Variants in FBXL3 observed in about 807,000 individuals in gnomAD.
The protein encoded by FBXL3 is F-box and leucine rich repeat protein 3.
Under a neutral mutation model 37.9 loss-of-function variants are expected in FBXL3, and 14 were observed. That is an observed-to-expected ratio of 0.37 (90% CI 0.24 to 0.58). The LOEUF (loss-of-function observed/expected upper bound fraction) is 0.58. Among genes scored for constraint, FBXL3 ranks in the 20% least tolerant of loss-of-function variants. The probability of loss-of-function intolerance (pLI) is 0.74; values close to 1 mark genes in which losing one functional copy is unlikely to be tolerated. For missense variants in FBXL3, 327 were observed against 511.1 expected, an observed-to-expected ratio of 0.64 and a Z score of 3.47; for synonymous variants, 194 against 180.1, an observed-to-expected ratio of 1.08 and a Z score of -0.62.
Position 77,007,519 on chromosome 13 carries a change from G to A in FBXL3, c.913C>T (p.Arg305Cys), listed in dbSNP as rs369788246. 1.9e-5 allele frequency: 31 copies of A among 1,613,956 alleles called. No individual in the cohort carries two copies. The highest frequency in any genetic ancestry group is 4.5e-5 in the East Asian group (2 of 44,894). ...AGATGGGTGGCAGGTATTTCATAGC[G>A]AAAGAAGGGGTCAAATTCTTCTTCA... ...LYEEEFDPFF[R>C]YEIPATHLYF... Residue 305 changes from arginine to cysteine, a missense_variant, in exon 5 of 5, where the codon CGC (arginine) becomes TGC (cysteine). Physicochemically the swap from Arg to Cys is radical, Grantham distance 180 (BLOSUM62 -3). Transcript: ENST00000355619.
At chr13:77,021,928 T>C (rs551039305) in intron 1 of FBXL3, 67 bp from the exon 2 acceptor site, 2 of 1,290,538 alleles carry the variant, frequency 1.5e-6, no homozygotes, top group African/African-American at 1.5e-5. Context: ...TCAAAATTCA[T>C]TCTTCTGTCA....
At chr13:77,021,324 TTAA>T (rs1360719183) in intron 2 of FBXL3, among the ~76,000 whole-genome samples, 186 bp downstream of exon 2, 2 of 152,116 alleles carry the variant, frequency 1.3e-5, no homozygotes, top group African/African-American at 4.8e-5. Flanking sequence ...TTATTAATAA[TTAA>T]TAGAGTAATT....
intron 1 of FBXL3, chr13:77,026,134 TCATTAG>T: frequency 2.0e-6 from 2 of 977,798 alleles, no homozygotes; most frequent in Non-Finnish European, 2.4e-6. Flanking sequence ...CAACTGGATA[TCATTAG>T]CAACGACAAA....
intron 3 of FBXL3, chr13:77,016,751 G>C (rs1003926160): frequency 6.6e-6 from 1 of 151,544 alleles, no homozygotes; most frequent in Non-Finnish European, 1.5e-5. Context: ...GGCTGATCTT[G>C]AACTCCTGGC....
chr13:77,013,817 C>G (rs1044621355), intron 4 of FBXL3: 1 of 152,140 alleles, frequency 6.6e-6, no homozygotes, highest in South Asian at 2.1e-4. Flanking sequence ...GGGCAACGGA[C>G]AAGGTGAACC....
Position 77,011,835 on chromosome 13 carries a change from T to C in FBXL3, c.643+3574A>G, listed in dbSNP as rs367853377. ...GGCTATAATCAAAAAGACAAATAAG[T>C]GTTAGAAGACACTGCTAGTGGCTAT... is the stretch of plus-strand genomic sequence containing the variant. On this transcript the variant is annotated intron_variant, in intron 4 of 4. Coordinates refer to ENST00000355619, the MANE Select transcript of FBXL3 (RefSeq NM_012158.4). Among the ~76,000 whole-genome samples, 6 of 151,844 alleles carry C rather than the reference T, an allele frequency of 4.0e-5. No individual in the cohort carries two copies. The East Asian group carries it at 7.8e-4, about 20-fold the overall frequency.
chr13:77,026,604 A>C (rs896207412), intron 1 of FBXL3, among the ~76,000 whole-genome samples: 1 of 151,804 alleles, frequency 6.6e-6, no homozygotes, highest in Non-Finnish European at 1.5e-5. Context: ...CCTTGTTGAC[A>C]TGTTTGGAAG....
chr13:77,017,065 T>C (rs1176229996), intron 3 of FBXL3: 2 of 89,048 alleles, frequency 2.2e-5, no homozygotes, highest in African/African-American at 5.4e-5. Flanking sequence ...GACAAAAACA[T>C]TTCTTCTATG....
At position 77,007,047 on chromosome 13, in the gene FBXL3, G is replaced by A. The variant is rs1158425716; in HGVS notation, c.*98C>T. Reference sequence around the variant, plus strand: ...TACTGACTGAAGATATCAAATTTCTGTGCCACAAAATAGTAGAATTATATC... The same window carrying A: ...TACTGACTGAAGATATCAAATTTCTATGCCACAAAATAGTAGAATTATATC... On this transcript the variant is annotated 3_prime_UTR_variant, in exon 5 of 5. Coordinates refer to ENST00000355619, the MANE Select transcript of FBXL3 (RefSeq NM_012158.4). 6.8e-7 allele frequency: 1 copy of A among 1,467,972 alleles called. No individual in the cohort carries two copies. The highest frequency in any genetic ancestry group is 1.4e-5 in the African/African-American group (1 of 70,102). The allele number at this position is 1,467,972 out of a possible 1,614,324, so 90.9% of individuals were successfully genotyped here.
chr13:77,016,242 TACACACATACAC>T (rs1351255278), intron 3 of FBXL3: 1 of 152,190 alleles, frequency 6.6e-6, no homozygotes, highest in African/African-American at 2.4e-5. Context: ...TATGTGTATA[TACACACATACAC>T]ACACACACGT....
At chr13:77,013,487 A>G (rs1387626074) in intron 4 of FBXL3, 5 of 152,194 alleles carry the variant, frequency 3.3e-5, no homozygotes, top group African/African-American at 4.8e-5. Flanking sequence ...AGTGCTTGAG[A>G]TATTTTGCAA....
intron 4 of FBXL3, chr13:77,009,586 A>G (rs2034511677): frequency 6.6e-6 from 1 of 152,284 alleles, no homozygotes; most frequent in African/African-American, 2.4e-5. Flanking sequence ...AATGGCAATC[A>G]TTAAAAAGTC....
intron 1 of FBXL3, among the ~76,000 whole-genome samples, chr13:77,024,309 T>C (rs1266705321): frequency 6.6e-6 from 1 of 152,284 alleles, no homozygotes; most frequent in South Asian, 2.1e-4. Flanking sequence ...AAGAACAAAG[T>C]GTTTGCTATC....
At chr13:77,014,410 C>CT (rs1386902953) in intron 4 of FBXL3, 5 of 152,362 alleles carry the variant, frequency 3.3e-5, no homozygotes, top group African/African-American at 1.2e-4. Flanking sequence ...TAAGAACTAA[C>CT]TGCCAAAGCC....
chr13:77,012,483 A>T (rs1367845673), intron 4 of FBXL3, among the ~76,000 whole-genome samples: 1 of 152,238 alleles, frequency 6.6e-6, no homozygotes, highest in Non-Finnish European at 1.5e-5. Flanking sequence ...ACTATAATGC[A>T]ATGTTGGCTT....
chr13:77,023,343 A>AGTGT (rs201033841), intron 1 of FBXL3, among the ~76,000 whole-genome samples: 59 of 139,698 alleles, frequency 4.2e-4, no homozygotes, highest in African/African-American at 1.1e-3. Flanking sequence ...GGAGAGAGAG[A>AGTGT]GAGTGTGTGT....
At position 77,006,982 on chromosome 13, in the gene FBXL3, A is replaced by C; in HGVS notation, c.*163T>G. On this transcript the variant is annotated 3_prime_UTR_variant, in exon 5 of 5. Coordinates refer to ENST00000355619, the MANE Select transcript of FBXL3 (RefSeq NM_012158.4). ...GGAAACAAGTGGAATTTTCTGACCA[A>C]AACTCATTCATGGGTCTTCCGATAA... is the stretch of plus-strand genomic sequence containing the variant. 7.1e-7 allele frequency: 1 copy of C among 1,412,448 alleles called. No homozygotes were observed. 87.5% of individuals were successfully genotyped at this position (1,412,448 alleles called of 1,614,324 possible). A position where few individuals can be genotyped will look rare whatever the true frequency, so the allele number is the denominator to read the frequency against.
intron 3 of FBXL3, 23 bp from the exon 4 acceptor site, chr13:77,015,603 T>TA (rs748568813): frequency 6.9e-7 from 1 of 1,439,152 alleles, no homozygotes; most frequent in Non-Finnish European, 9.2e-7. Context: ...AAAAATAAAA[T>TA]AAAAATTATT....
intron 1 of FBXL3, chr13:77,026,190 G>A: frequency 5.1e-6 from 5 of 985,362 alleles, no homozygotes; most frequent in Non-Finnish European, 6.0e-6. Context: ...TGGAGATACA[G>A]ACCATTTACT....
Sources: allele counts gnomAD v4.1 joint callset (sites outside exome capture counted in the v4.1 genomes callset), GRCh38; gene constraint gnomAD v4.1.1; transcripts MANE v1.5; gene names NCBI Gene and HGNC (gene_info 2026-07-23, HGNC 2026-07-21).